Variants in CADPS observed in about 807,000 individuals in gnomAD.
The protein encoded by CADPS is calcium dependent secretion activator.
CADPS carries 57 observed loss-of-function variants against 167.3 expected under a neutral mutation model. The observed-to-expected ratio is 0.34, with a 90% confidence interval of 0.28 to 0.42. The LOEUF is 0.42. CADPS is among the 20% of genes least tolerant of loss of function. The probability of loss-of-function intolerance (pLI) is 1.00; values close to 1 mark genes in which losing one functional copy is unlikely to be tolerated. For synonymous variants in CADPS, 676 were observed against 635.3 expected (o/e 1.06, Z -0.96); for missense variants, 1,414 against 1,738.1 (o/e 0.81, Z 3.32).
At chr3:62,470,488 A>C (rs1388563195) in intron 24 of CADPS, 3 of 152,238 alleles carry the variant, frequency 2.0e-5, no homozygotes, top group Non-Finnish European at 4.4e-5. Context: ...CCATTCTACA[A>C]AGTGAGAAAA....
chr3:62,607,806 A>G (rs1017896800), intron 6 of CADPS, among the ~76,000 whole-genome samples: 6 of 152,158 alleles, frequency 3.9e-5, no homozygotes, highest in African/African-American at 1.4e-4. Flanking sequence ...TTCCCCAGGG[A>G]CTGGCTTGTG....
intron 18 of CADPS, among the ~76,000 whole-genome samples, chr3:62,498,933 T>C (rs868295721): frequency 8.5e-5 from 13 of 152,234 alleles, no homozygotes; most frequent in African/African-American, 3.1e-4. Context: ...TGTTCATCGC[T>C]AGAAACATCT....
chr3:62,760,759 A>T (rs935812629), intron 2 of CADPS, among the ~76,000 whole-genome samples: 4 of 152,216 alleles, frequency 2.6e-5, no homozygotes, highest in African/African-American at 9.7e-5. Context: ...TTAGAAAAAT[A>T]GCCAGTGTGA....
At chr3:62,823,378 C>A (rs2152945746) in intron 1 of CADPS, among the ~76,000 whole-genome samples, 1 of 152,266 alleles carries the variant, frequency 6.6e-6, no homozygotes, top group Non-Finnish European at 1.5e-5. Context: ...CTTGTATATT[C>A]CAAAGTTAAG....
chr3:62,836,701 T>C (rs1283676257), intron 1 of CADPS, among the ~76,000 whole-genome samples: 1 of 152,166 alleles, frequency 6.6e-6, no homozygotes, highest in Admixed American at 6.5e-5. Flanking sequence ...AAGTACACTG[T>C]ACCATGCCTG....
intron 1 of CADPS, among the ~76,000 whole-genome samples, chr3:62,768,096 A>C (rs752155328): frequency 6.6e-6 from 1 of 152,212 alleles, no homozygotes; most frequent in Non-Finnish European, 1.5e-5. Context: ...GCTCTGACCC[A>C]TGGAGCAGAG....
At chr3:62,739,481 T>C (rs1307080972) in intron 3 of CADPS, among the ~76,000 whole-genome samples, 1 of 152,208 alleles carries the variant, frequency 6.6e-6, no homozygotes, top group Non-Finnish European at 1.5e-5. Context: ...ACAGGTATTC[T>C]CACAATAGTA....
chr3:62,868,015 A>G (rs1233186974), intron 1 of CADPS, among the ~76,000 whole-genome samples: 1 of 152,036 alleles, frequency 6.6e-6, no homozygotes, highest in Admixed American at 6.6e-5. Context: ...CTGTCCATCA[A>G]TATATCAATA....
At chr3:62,535,354 T>C (rs2074472059) in intron 12 of CADPS, among the ~76,000 whole-genome samples, 1 of 151,770 alleles carries the variant, frequency 6.6e-6, no homozygotes, top group Non-Finnish European at 1.5e-5. Flanking sequence ...AGATACAGAT[T>C]AATAAATTAT....
chr3:62,683,519 G>A (rs890140094), intron 3 of CADPS, among the ~76,000 whole-genome samples: 1 of 152,046 alleles, frequency 6.6e-6, no homozygotes, highest in Non-Finnish European at 1.5e-5. Flanking sequence ...GAATGTTCCT[G>A]TCTATCCCAC....
intron 3 of CADPS, among the ~76,000 whole-genome samples, chr3:62,662,876 G>T (rs1300050495): frequency 1.3e-5 from 2 of 152,108 alleles, no homozygotes; most frequent in Admixed American, 6.5e-5. Context: ...CTCTTTGAAC[G>T]CTGAGACCTG....
chr3:62,414,324 T>C (rs1341764320), intron 28 of CADPS, among the ~76,000 whole-genome samples: 2 of 152,204 alleles, frequency 1.3e-5, no homozygotes, highest in African/African-American at 4.8e-5. Flanking sequence ...CAGCTCTCCA[T>C]CCAGAATCAC....
intron 24 of CADPS, among the ~76,000 whole-genome samples, chr3:62,469,096 C>A (rs1037493857): frequency 6.6e-6 from 1 of 152,058 alleles, no homozygotes. Context: ...GTAAATTATG[C>A]CTCAATTTAA....
At chr3:62,801,410 A>C (rs1323566439) in intron 1 of CADPS, among the ~76,000 whole-genome samples, 1 of 152,148 alleles carries the variant, frequency 6.6e-6, no homozygotes, top group Non-Finnish European at 1.5e-5. Context: ...ATCATCTCCT[A>C]TGTTTCTCAG....
chr3:62,803,149 G>T (rs768601825), intron 1 of CADPS, among the ~76,000 whole-genome samples: 3 of 152,078 alleles, frequency 2.0e-5, no homozygotes, highest in Admixed American at 6.6e-5. Flanking sequence ...ACTCCACATT[G>T]CTACACCTGC....
intron 6 of CADPS, among the ~76,000 whole-genome samples, chr3:62,610,966 G>T (rs150105564): frequency 1.3e-5 from 2 of 152,026 alleles, no homozygotes; most frequent in Non-Finnish European, 2.9e-5. Flanking sequence ...ACAGGGGTGT[G>T]GGGGAGAGAG....
intron 3 of CADPS, among the ~76,000 whole-genome samples, chr3:62,718,266 C>T (rs916862523): frequency 3.3e-5 from 5 of 152,068 alleles, no homozygotes; most frequent in Non-Finnish European, 5.9e-5. Flanking sequence ...GTGCTCAGTA[C>T]ATGATGTCTT....
At chr3:62,764,183 T>C (rs1056809660) in intron 2 of CADPS, among the ~76,000 whole-genome samples, 2 of 152,202 alleles carry the variant, frequency 1.3e-5, no homozygotes, top group Non-Finnish European at 2.9e-5. Context: ...TACTCTCCCA[T>C]TGGCTTCCAG....
At chr3:62,674,113 T>G (rs1038090418) in intron 3 of CADPS, among the ~76,000 whole-genome samples, 9 of 152,296 alleles carry the variant, frequency 5.9e-5, no homozygotes, top group African/African-American at 2.2e-4. Context: ...TTGTGGCTTT[T>G]GTGAATGTGT....
Sources: gnomAD v4.1 joint callset for allele counts (sites outside exome capture counted in the v4.1 genomes callset) on GRCh38, gnomAD v4.1.1 for gene constraint, MANE v1.5 for transcripts, NCBI Gene and HGNC (gene_info 2026-07-23, HGNC 2026-07-21) for gene names.